RNLS: variants seen among roughly 807,000 people sequenced by gnomAD.
The protein encoded by RNLS is renalase.
Under a neutral mutation model 39.8 loss-of-function variants are expected in RNLS, and 39 were observed. That is an observed-to-expected ratio of 0.98 (90% CI 0.76 to 1.28). The LOEUF is 1.28. Among genes scored for constraint, RNLS ranks in the 50% most tolerant of loss-of-function variants. The pLI, the probability that RNLS is intolerant of heterozygous loss-of-function variation, is 0.00. For synonymous variants in RNLS, 147 were observed against 150.7 expected, an observed-to-expected ratio of 0.98 and a Z score of 0.18; for missense variants, 410 against 413.3, an observed-to-expected ratio of 0.99 and a Z score of 0.07.
intron 5 of RNLS, among the ~76,000 whole-genome samples, chr10:88,324,699 G>T (rs1020249222): frequency 6.6e-6 from 1 of 152,096 alleles, no homozygotes; most frequent in East Asian, 1.9e-4. Flanking sequence ...CTGCACAGGT[G>T]CCACCTGAAT....
At chr10:88,559,376 TGAAA>T (rs1849045799) in intron 4 of RNLS, among the ~76,000 whole-genome samples, 1 of 152,126 alleles carries the variant, frequency 6.6e-6, no homozygotes, top group Non-Finnish European at 1.5e-5. Flanking sequence ...AGCCAGGTTT[TGAAA>T]GATAGATTCA....
chr10:88,308,770 A>G (rs529581112), intron 6 of RNLS, among the ~76,000 whole-genome samples: 1 of 152,290 alleles, frequency 6.6e-6, no homozygotes, highest in Admixed American at 6.5e-5. Context: ...TTATTACTAG[A>G]TGCATACCCA....
chr10:88,531,211 C>T (rs922576102), intron 4 of RNLS, among the ~76,000 whole-genome samples: 1 of 151,540 alleles, frequency 6.6e-6, no homozygotes, highest in African/African-American at 2.4e-5. Context: ...CAGAAGTACA[C>T]CAGAGGTCAG....
At chr10:88,432,798 G>A (rs1855213490) in intron 4 of RNLS, among the ~76,000 whole-genome samples, 1 of 152,008 alleles carries the variant, frequency 6.6e-6, no homozygotes, top group African/African-American at 2.4e-5. Context: ...ACCTCAAGAT[G>A]AAATGAATGC....
the RNLS span, among the ~76,000 whole-genome samples, chr10:88,251,679 T>TACACACACGTATCTGTGGAA: frequency 6.6e-6 from 1 of 152,240 alleles, no homozygotes; most frequent in Non-Finnish European, 1.5e-5. Context: ...ACCACGTGCA[T>TACACACACGTATCTGTGGAA]ACACACACGT....
chr10:88,346,314 C>T (rs1295395186), intron 5 of RNLS, among the ~76,000 whole-genome samples: 1 of 152,112 alleles, frequency 6.6e-6, no homozygotes, highest in Non-Finnish European at 1.5e-5. Context: ...GATGTATACT[C>T]CTCAGAGACC....
intron 6 of RNLS, among the ~76,000 whole-genome samples, chr10:88,300,294 A>AAG (rs906732335): frequency 6.6e-6 from 1 of 152,194 alleles, no homozygotes; most frequent in East Asian, 1.9e-4. Flanking sequence ...GCATTCTTGA[A>AAG]AGAGAGAGAG....
At chr10:88,274,415 C>T (rs558183658) in exon 7 of RNLS, 1 of 152,684 alleles carries the variant, frequency 6.5e-6, no homozygotes, top group Non-Finnish European at 1.5e-5. Context: ...ACTGACTGCT[C>T]TAGATTCCTC....
chr10:88,234,891 A>G, the RNLS span, among the ~76,000 whole-genome samples: 1 of 152,180 alleles, frequency 6.6e-6, no homozygotes, highest in East Asian at 1.9e-4. Context: ...TCTTGCAGAT[A>G]AGTGAGATTT....
At chr10:88,497,697 AC>A (rs918120673) in intron 4 of RNLS, among the ~76,000 whole-genome samples, 2 of 152,038 alleles carry the variant, frequency 1.3e-5, no homozygotes, top group African/African-American at 4.8e-5. Flanking sequence ...CAGGAGAAAA[AC>A]TAGGACAAAG....
rs1849950634 is a variant in RNLS, at chr10:88,573,053, C to T, written c.376G>A (p.Val126Ile). 1.2e-6 allele frequency: 2 copies of T among 1,613,376 alleles called. No individual in the cohort carries two copies. The highest frequency in any genetic ancestry group is 1.7e-6 in the Non-Finnish European group (2 of 1,179,560). ...KHYLKESGAE[V>I]YFRHRVTQIN... ...TGTGTCACACGATGTCTGAAGTAGA[C>T]TTCTGCACCTGTTCCAAAAGCAAAA... The change falls in exon 4 of 7, where the codon GTC becomes ATC. Residue 126 changes from valine (V) to isoleucine (I), a missense_variant. Physicochemically the swap from Val to Ile is conservative, Grantham distance 29 (BLOSUM62 3). Coordinates refer to ENST00000331772, the MANE Select transcript of RNLS (RefSeq NM_001031709.3).
At chr10:88,574,356 G>A (rs1476876510) in intron 3 of RNLS, among the ~76,000 whole-genome samples, 4 of 152,136 alleles carry the variant, frequency 2.6e-5, no homozygotes, top group Admixed American at 6.5e-5. Flanking sequence ...GAAATCTCAC[G>A]TTCCTAGTCA....
chr10:88,174,024 A>G, the RNLS span, among the ~76,000 whole-genome samples: 3 of 150,762 alleles, frequency 2.0e-5, no homozygotes, highest in Admixed American at 6.6e-5. Context: ...TGTAAATGGG[A>G]TTACTTTCTT....
the RNLS span, among the ~76,000 whole-genome samples, chr10:88,244,330 A>G: frequency 6.6e-6 from 1 of 152,208 alleles, no homozygotes; most frequent in Non-Finnish European, 1.5e-5. Context: ...CTGTCTTGTC[A>G]GCCGATGGTG....
At chr10:88,362,406 C>A (rs1469603033) in intron 5 of RNLS, 146 bp downstream of exon 5, 2 of 662,382 alleles carry the variant, frequency 3.0e-6, no homozygotes, top group African/African-American at 3.6e-5. Context: ...TTATTACTGG[C>A]CAAATGTGAC....
the RNLS span, among the ~76,000 whole-genome samples, chr10:88,254,088 T>C: frequency 6.6e-6 from 1 of 152,202 alleles, no homozygotes; most frequent in Non-Finnish European, 1.5e-5. Flanking sequence ...AAGAAGAACA[T>C]TTTGCACATC....
At position 88,560,388 on chromosome 10, in the gene RNLS, G is replaced by A. The variant is rs1849102940; in HGVS notation, c.526+12515C>T. Among the ~76,000 whole-genome samples the A allele has an allele frequency of 2.6e-5, 4 of 151,988 alleles. No individual in the cohort carries two copies. The South Asian group carries it at 8.3e-4, about 32-fold the overall frequency. On this transcript the variant is annotated intron_variant, in intron 4 of 6. Transcript: ENST00000331772. ...CACCAGGAAAAGGTGTTAGCCAACA[G>A]CTCTCAAAAGATCTGGGAAACGATC...
the RNLS span, among the ~76,000 whole-genome samples, chr10:88,232,522 C>T: frequency 6.6e-6 from 1 of 152,114 alleles, no homozygotes; most frequent in African/African-American, 2.4e-5. Flanking sequence ...CTCAAGGGAT[C>T]CTCCCACTTT....
chr10:88,349,990 T>G (rs940143112), intron 5 of RNLS, among the ~76,000 whole-genome samples: 1 of 152,134 alleles, frequency 6.6e-6, no homozygotes, highest in African/African-American at 2.4e-5. Flanking sequence ...TAGTCACTGC[T>G]TATTATTTTA....
Sources: allele counts gnomAD v4.1 joint callset (sites outside exome capture counted in the v4.1 genomes callset), GRCh38; gene constraint gnomAD v4.1.1; transcripts MANE v1.5; gene names NCBI Gene and HGNC (gene_info 2026-07-23, HGNC 2026-07-21).